WDR27: variants seen among roughly 807,000 people sequenced by gnomAD.
The protein encoded by WDR27 is WD repeat-containing protein 27.
In WDR27, 100 loss-of-function variants were observed where a neutral mutation model predicts 114.4. The ratio of observed to expected loss-of-function variants is 0.87; its 90% confidence interval spans 0.74 to 1.03. The LOEUF (loss-of-function observed/expected upper bound fraction) is 1.03, where lower values mean the gene tolerates loss of function less well. Ranked by LOEUF, WDR27 falls within the 50% of genes least tolerant of loss-of-function variation. WDR27 has a pLI of 0.00. For missense variants in WDR27, 1,129 were observed against 1,092.9 expected (o/e 1.03, Z -0.47); for synonymous variants, 449 against 423.1 (o/e 1.06, Z -0.75).
intron 18 of WDR27, among the ~76,000 whole-genome samples, chr6:169,636,707 G>T (rs578168649): frequency 5.9e-5 from 9 of 152,310 alleles, no homozygotes; most frequent in Non-Finnish European, 1.0e-4. Context: ...TTACTGTAAT[G>T]AATGCTTTGA....
chr6:169,445,171 A>G, the WDR27 span, among the ~76,000 whole-genome samples: 1 of 152,230 alleles, frequency 6.6e-6, no homozygotes. Context: ...TGCTATCATA[A>G]GAATTGTCAC....
chr6:169,428,140 T>A, the WDR27 span, among the ~76,000 whole-genome samples: 3 of 152,156 alleles, frequency 2.0e-5, no homozygotes, highest in Non-Finnish European at 4.4e-5. Context: ...GCAGTTGTAA[T>A]TTTTACTTTA....
At chr6:169,576,517 T>C (rs1359619418) in intron 24 of WDR27, among the ~76,000 whole-genome samples, 1 of 152,140 alleles carries the variant, frequency 6.6e-6, no homozygotes, top group Non-Finnish European at 1.5e-5. Flanking sequence ...TCCCAGCACT[T>C]TGGGAGGCTG....
At chr6:169,472,535 T>G (rs761484605) in intron 25 of WDR27, among the ~76,000 whole-genome samples, 2 of 152,158 alleles carry the variant, frequency 1.3e-5, no homozygotes, top group Non-Finnish European at 2.9e-5. Flanking sequence ...GTTGTAAGGA[T>G]TGAATTAGTT....
At chr6:169,605,757 T>C (rs1021663057) in intron 22 of WDR27, among the ~76,000 whole-genome samples, 9 of 152,130 alleles carry the variant, frequency 5.9e-5, no homozygotes, top group Non-Finnish European at 8.8e-5. Context: ...GGTATAAAAA[T>C]AGACATATAG....
At chr6:169,632,894 G>A in intron 21 of WDR27, 53 bp downstream of exon 21, 1 of 1,509,988 alleles carries the variant, frequency 6.6e-7, no homozygotes, top group Non-Finnish European at 9.0e-7. Flanking sequence ...TCTGTTAAAT[G>A]CTTTAAGCAC....
intron 21 of WDR27, among the ~76,000 whole-genome samples, chr6:169,622,861 G>C (rs1376744759): frequency 6.6e-6 from 1 of 152,192 alleles, no homozygotes; most frequent in Non-Finnish European, 1.5e-5. Flanking sequence ...TTCCTGGGCT[G>C]AGGCCAAACT....
At chr6:169,693,073 T>A (rs185043062) in intron 1 of WDR27, among the ~76,000 whole-genome samples, 1 of 152,322 alleles carries the variant, frequency 6.6e-6, no homozygotes, top group Non-Finnish European at 1.5e-5. Flanking sequence ...AATGAAAGAA[T>A]CTTTAGAGCT....
At chr6:169,493,992 C>T (rs1022934735) in intron 25 of WDR27, among the ~76,000 whole-genome samples, 1 of 152,176 alleles carries the variant, frequency 6.6e-6, no homozygotes, top group Non-Finnish European at 1.5e-5. Flanking sequence ...TCTTTTCTGA[C>T]TCTGATACTT....
chr6:169,614,886 G>T (rs539764438), intron 21 of WDR27, among the ~76,000 whole-genome samples: 2 of 152,198 alleles, frequency 1.3e-5, no homozygotes, highest in African/African-American at 4.8e-5. Flanking sequence ...AGACAGAGAA[G>T]ATAATGGCAC....
intron 2 of WDR27, among the ~76,000 whole-genome samples, chr6:169,686,194 G>A (rs1371726274): frequency 6.6e-6 from 1 of 152,112 alleles, no homozygotes; most frequent in Non-Finnish European, 1.5e-5. Flanking sequence ...ATGCTCAAGG[G>A]AGTCTTTTAT....
intron 21 of WDR27, among the ~76,000 whole-genome samples, chr6:169,625,125 T>C (rs1305792102): frequency 6.6e-6 from 1 of 152,210 alleles, no homozygotes; most frequent in African/African-American, 2.4e-5. Context: ...CAGCAGGTCA[T>C]GGAGTTCTTC....
At chr6:169,633,939 T>A (rs949019473) in intron 20 of WDR27, among the ~76,000 whole-genome samples, 2 of 152,220 alleles carry the variant, frequency 1.3e-5, no homozygotes, top group African/African-American at 4.8e-5. Flanking sequence ...AAATTAAAAC[T>A]TTATACAATG....
At chr6:169,442,207 C>T in the WDR27 span, among the ~76,000 whole-genome samples, 33 of 152,292 alleles carry the variant, frequency 2.2e-4, no homozygotes, top group African/African-American at 7.5e-4. Context: ...AAGTCTTTTC[C>T]TCCCTTCTTA....
intron 25 of WDR27, among the ~76,000 whole-genome samples, chr6:169,529,436 C>T (rs112004041): frequency 1.5e-4 from 23 of 151,494 alleles, no homozygotes; most frequent in Non-Finnish European, 3.2e-4. Flanking sequence ...AGTAAGAAAA[C>T]GTTTAGAAAT....
chr6:169,541,135 A>C (rs1796788977), intron 25 of WDR27, among the ~76,000 whole-genome samples: 1 of 152,060 alleles, frequency 6.6e-6, no homozygotes, highest in Non-Finnish European at 1.5e-5. Flanking sequence ...AAGGCAAGAA[A>C]AAAAAAAACC....
intron 25 of WDR27, among the ~76,000 whole-genome samples, chr6:169,530,160 G>A (rs1346412998): frequency 3.3e-5 from 5 of 152,188 alleles, no homozygotes; most frequent in African/African-American, 1.2e-4. Flanking sequence ...ATCTTCCACT[G>A]GCCAGATACT....
At chr6:169,580,938 T>TATATATATATAC (rs1338103319) in intron 24 of WDR27, among the ~76,000 whole-genome samples, 2 of 52,900 alleles carry the variant, frequency 3.8e-5, no homozygotes, top group East Asian at 2.4e-3. Context: ...GAATTTTATA[T>TATATATATATAC]ATATATATAT....
intron 2 of WDR27, among the ~76,000 whole-genome samples, chr6:169,677,909 G>C (rs1378947113): frequency 3.3e-5 from 5 of 152,270 alleles, no homozygotes; most frequent in African/African-American, 1.2e-4. Flanking sequence ...CGGGTGCACA[G>C]AGTACAAGAG....
Sources: allele counts gnomAD v4.1 joint callset (sites outside exome capture counted in the v4.1 genomes callset), GRCh38; gene constraint gnomAD v4.1.1; transcripts MANE v1.5; gene names NCBI Gene and HGNC (gene_info 2026-07-23, HGNC 2026-07-21).